The following PPM1H variants were observed in gnomAD, a reference collection of about 807,000 sequenced individuals.
PPM1H encodes protein phosphatase, Mg2+/Mn2+ dependent 1H, also known as protein phosphatase 1H.
In PPM1H, 27 loss-of-function variants were observed where a neutral mutation model predicts 54.9. That is an observed-to-expected ratio of 0.49 (90% CI 0.36 to 0.68). PPM1H has a LOEUF of 0.68. PPM1H is among the 30% of genes least tolerant of loss of function. The pLI, the probability that PPM1H is intolerant of heterozygous loss-of-function variation, is 0.00. For synonymous variants in PPM1H, 305 were observed against 270.8 expected, an observed-to-expected ratio of 1.13 and a Z score of -1.24; for missense variants, 596 against 667.8, an observed-to-expected ratio of 0.89 and a Z score of 1.19.
chr12:62,685,886 ATAAT>A (rs150131540), intron 8 of PPM1H, among the ~76,000 whole-genome samples: 10,740 of 152,298 alleles, frequency 0.071, 430 homozygotes, highest in Admixed American at 0.1. Context: ...ATCGATATAC[ATAAT>A]TATTTGTCAA....
chr12:62,921,433 G>C, intron 1 of PPM1H, among the ~76,000 whole-genome samples: 1 of 152,106 alleles, frequency 6.6e-6, no homozygotes, highest in South Asian at 2.1e-4. Flanking sequence ...CACATCCCTG[G>C]GATGATTAAT....
At chr12:62,662,729 T>C (rs929175633) in intron 9 of PPM1H, among the ~76,000 whole-genome samples, 1 of 152,150 alleles carries the variant, frequency 6.6e-6, no homozygotes, top group Non-Finnish European at 1.5e-5. Flanking sequence ...TCATATACCA[T>C]TTATAGTTTA....
At chr12:62,684,004 T>C (rs10877906) in intron 8 of PPM1H, among the ~76,000 whole-genome samples, 24,714 of 152,110 alleles carry the variant, frequency 0.16, 2,313 homozygotes, top group East Asian at 0.28. Flanking sequence ...GAGGAGAGCC[T>C]GGGCTCCAGT....
chr12:62,848,937 T>C (rs1034147749), intron 1 of PPM1H, among the ~76,000 whole-genome samples: 8 of 151,748 alleles, frequency 5.3e-5, no homozygotes, highest in Non-Finnish European at 8.8e-5. Context: ...ACTAGGATAA[T>C]GGGGACTCCC....
intron 8 of PPM1H, among the ~76,000 whole-genome samples, chr12:62,687,172 C>A (rs929321104): frequency 2.6e-5 from 4 of 152,248 alleles, no homozygotes; most frequent in African/African-American, 7.2e-5. Context: ...GCTGTGGAGG[C>A]TTTGCAGGGC....
intron 1 of PPM1H, among the ~76,000 whole-genome samples, chr12:62,933,371 A>G (rs1872211561): frequency 1.3e-5 from 2 of 152,104 alleles, no homozygotes; most frequent in South Asian, 2.1e-4. Flanking sequence ...CCGGGCCACC[A>G]GAACAGGGTC....
chr12:62,755,534 C>T (rs1230553163), intron 4 of PPM1H: 28 of 661,968 alleles, frequency 4.2e-5, no homozygotes, highest in Non-Finnish European at 2.2e-5. Flanking sequence ...GTCTTCACCA[C>T]CATGGAGAAG....
At chr12:62,696,198 T>C (rs2076114311) in intron 6 of PPM1H, among the ~76,000 whole-genome samples, 1 of 152,200 alleles carries the variant, frequency 6.6e-6, no homozygotes, top group South Asian at 2.1e-4. Context: ...GTCATTGAAT[T>C]CTCACATGGC....
intron 1 of PPM1H, among the ~76,000 whole-genome samples, chr12:62,857,843 A>T (rs992125640): frequency 9.9e-5 from 15 of 152,072 alleles, no homozygotes; most frequent in Non-Finnish European, 2.9e-5. Context: ...ATTTTATTGT[A>T]CTCATTTGAA....
rs533107260 is a variant in PPM1H, at chr12:62,678,314, T to C, written c.1246-10985A>G. Among the ~76,000 whole-genome samples, 4 of 152,316 alleles carry C rather than the reference T, an allele frequency of 2.6e-5. No homozygotes were observed. In the South Asian group the frequency reaches 8.3e-4, roughly 32 times the overall value. ...TAATGCAATAAATATAAAAAAGATA[T>C]AGCATATTTAGCTGAAACATCCAAA... On this transcript the variant is annotated intron_variant, in intron 8 of 9. Transcript: ENST00000228705.
At chr12:62,713,433 G>A (rs2076218461) in intron 6 of PPM1H, among the ~76,000 whole-genome samples, 1 of 152,132 alleles carries the variant, frequency 6.6e-6, no homozygotes, top group Non-Finnish European at 1.5e-5. Context: ...ACTGACTAGG[G>A]CTGATGAAAT....
At chr12:62,723,804 C>G (rs147759074) in intron 5 of PPM1H, among the ~76,000 whole-genome samples, 23 of 152,240 alleles carry the variant, frequency 1.5e-4, no homozygotes, top group African/African-American at 4.6e-4. Context: ...AGAATCCAAA[C>G]GACATTCCTG....
chr12:62,702,035 T>C lies in PPM1H; in HGVS notation c.1074-8036A>G, dbSNP rs143373261. Among the ~76,000 whole-genome samples the C allele has an allele frequency of 2.5e-3, 374 of 152,302 alleles. 1 individual carries two copies. Among genetic ancestry groups the C allele is most frequent in the Middle Eastern group, 6.8e-3 (2 of 294 alleles). ...GGATGAATGAATGAACAAAGGCTGG[T>C]ATCTCTCCCTTAGCATGTCAGTTTC... On this transcript the variant is annotated intron_variant, in intron 6 of 9. Coordinates refer to ENST00000228705, the MANE Select transcript of PPM1H (RefSeq NM_020700.2).
intron 8 of PPM1H, among the ~76,000 whole-genome samples, chr12:62,681,137 T>A (rs1270962090): frequency 6.6e-6 from 1 of 152,192 alleles, no homozygotes; most frequent in East Asian, 1.9e-4. Flanking sequence ...ATACTAGTTA[T>A]TAGTTATAAA....
At chr12:62,696,819 A>T (rs1307023814) in intron 6 of PPM1H, among the ~76,000 whole-genome samples, 2 of 152,030 alleles carry the variant, frequency 1.3e-5, no homozygotes, top group Non-Finnish European at 2.9e-5. Flanking sequence ...CAGACCAAAA[A>T]GGTGGAGTGG....
chr12:62,668,942 C>G (rs1012314712), intron 8 of PPM1H, among the ~76,000 whole-genome samples: 1 of 152,252 alleles, frequency 6.6e-6, no homozygotes, highest in African/African-American at 2.4e-5. Flanking sequence ...TGTTTACCCA[C>G]AGGGCCCTGG....
chr12:62,772,226 T>G (rs76315583), intron 4 of PPM1H, among the ~76,000 whole-genome samples: 16,946 of 152,196 alleles, frequency 0.11, 1,022 homozygotes, highest in South Asian at 0.18. Flanking sequence ...AATATAACAG[T>G]TCTGCAAAGG....
At chr12:62,898,559 C>G (rs1259786508) in intron 1 of PPM1H, among the ~76,000 whole-genome samples, 3 of 152,206 alleles carry the variant, frequency 2.0e-5, no homozygotes, top group Non-Finnish European at 2.9e-5. Context: ...AATCACAACA[C>G]ACTTCTTAAT....
At chr12:62,760,381 A>G (rs201741213) in intron 4 of PPM1H, among the ~76,000 whole-genome samples, 2,711 of 152,006 alleles carry the variant, frequency 0.018, 61 homozygotes, top group East Asian at 0.094. Flanking sequence ...CCTTTCTACT[A>G]ACCCATCTGA....
Sources: allele counts gnomAD v4.1 joint callset (sites outside exome capture counted in the v4.1 genomes callset), GRCh38; gene constraint gnomAD v4.1.1; transcripts MANE v1.5; gene names NCBI Gene and HGNC (gene_info 2026-07-23, HGNC 2026-07-21).